Variants in FOXO1 observed in about 807,000 individuals in gnomAD.
FOXO1 encodes forkhead box protein O1.
In FOXO1, 6 loss-of-function variants were observed where a neutral mutation model predicts 44.1. The observed-to-expected ratio is 0.14, with a 90% CI of 0.07 to 0.27. The LOEUF (loss-of-function observed/expected upper bound fraction) is 0.27. Ranked by LOEUF, FOXO1 falls within the 10% of genes least tolerant of loss-of-function variation. The pLI, the probability that FOXO1 is intolerant of heterozygous loss-of-function variation, is 1.00. For missense variants in FOXO1, 737 were observed against 888.8 expected (o/e 0.83, Z 2.17); for synonymous variants, 380 against 362.7 (o/e 1.05, Z -0.54).
At chr13:40,570,336 A>T (rs556550492) in intron 1 of FOXO1, among the ~76,000 whole-genome samples, 304 of 152,062 alleles carry the variant, frequency 2.0e-3, no homozygotes, top group Non-Finnish European at 2.8e-3. Flanking sequence ...TAAAATAAAA[A>T]AAAGACCCCT....
At chr13:40,618,865 G>A (rs1331131109) in intron 1 of FOXO1, 12 of 527,246 alleles carry the variant, frequency 2.3e-5, no homozygotes, top group Admixed American at 1.8e-4. Flanking sequence ...CTGAGAACTC[G>A]ATGAAGATTA....
chr13:40,628,128 T>G (rs551824552), intron 1 of FOXO1, among the ~76,000 whole-genome samples: 4 of 152,094 alleles, frequency 2.6e-5, no homozygotes, highest in Non-Finnish European at 4.4e-5. Context: ...AACGGGTACA[T>G]AAAAGTTTTT....
chr13:40,601,420 G>A (rs771789356), intron 1 of FOXO1, among the ~76,000 whole-genome samples: 29 of 152,212 alleles, frequency 1.9e-4, no homozygotes, highest in East Asian at 3.9e-4. Context: ...AAAAGATAAC[G>A]CATAGAAAAC....
intron 1 of FOXO1, among the ~76,000 whole-genome samples, chr13:40,616,350 A>C (rs902161248): frequency 6.6e-6 from 1 of 152,234 alleles, no homozygotes. Flanking sequence ...TAAGTCAGAG[A>C]GCGCTGCAAA....
At chr13:40,590,040 G>A (rs1440281086) in intron 1 of FOXO1, among the ~76,000 whole-genome samples, 1 of 152,130 alleles carries the variant, frequency 6.6e-6, no homozygotes, top group Non-Finnish European at 1.5e-5. Context: ...TTGTACGATG[G>A]GAGCCTCTCT....
intron 1 of FOXO1, among the ~76,000 whole-genome samples, chr13:40,638,766 T>C (rs1012320837): frequency 7.2e-5 from 11 of 151,812 alleles, no homozygotes; most frequent in Non-Finnish European, 1.6e-4. Context: ...TGGTGAGAAG[T>C]GGTCATCAGA....
At chr13:40,617,522 T>C (rs960357034) in intron 1 of FOXO1, among the ~76,000 whole-genome samples, 2 of 151,756 alleles carry the variant, frequency 1.3e-5, no homozygotes, top group Non-Finnish European at 2.9e-5. Context: ...AGAACCCACA[T>C]TCTTGTGACC....
At chr13:40,582,801 G>A (rs2755216) in intron 1 of FOXO1, among the ~76,000 whole-genome samples, 62,345 of 151,904 alleles carry the variant, frequency 0.41, 14,010 homozygotes, top group East Asian at 0.75. Flanking sequence ...ACCCCTCCCA[G>A]GTCATCCATG....
At chr13:40,573,255 A>G (rs529013803) in intron 1 of FOXO1, among the ~76,000 whole-genome samples, 1 of 152,288 alleles carries the variant, frequency 6.6e-6, no homozygotes, top group South Asian at 2.1e-4. Flanking sequence ...CTGGCACTCC[A>G]CCAGATGTGG....
At chr13:40,649,014 G>A (rs932777052) in intron 1 of FOXO1, among the ~76,000 whole-genome samples, 5 of 152,202 alleles carry the variant, frequency 3.3e-5, no homozygotes, top group Non-Finnish European at 7.3e-5. Context: ...AGAGTAACAA[G>A]ATAGCAACCT....
chr13:40,639,449 A>C (rs1877276345), intron 1 of FOXO1, among the ~76,000 whole-genome samples: 1 of 152,238 alleles, frequency 6.6e-6, no homozygotes, highest in South Asian at 2.1e-4. Context: ...CTAGTAACTA[A>C]GTTAGGAATT....
chr13:40,559,714 G>A lies in FOXO1; in HGVS notation c.1777C>T (p.Leu593Phe), dbSNP rs540866852. ...TCACTTGGGAGCTTCTCCTGGTGGAGAAGGCCCATTCTGCCATAGCCATTG... is the reference window on the plus strand; with the variant it reads ...TCACTTGGGAGCTTCTCCTGGTGGAAAAGGCCCATTCTGCCATAGCCATTG... ...SCNGYGRMGL[L>F]HQEKLPSDLD... The change falls in exon 2 of 3, where the codon CTC becomes TTC. Residue 593 changes from leucine to phenylalanine, a missense_variant. Leu to Phe is a conservative substitution (Grantham distance 22, BLOSUM62 0). Around this residue, in one of 7 missense-constraint regions of FOXO1, gnomAD observed 283 missense variants for 278.1 expected, o/e 1.02. Transcript: ENST00000379561. 6 of 1,614,126 alleles carry A rather than the reference G, an allele frequency of 3.7e-6. No individual in the cohort carries two copies. In the Admixed American group the frequency reaches 5.0e-5, roughly 13 times the overall value.
At chr13:40,664,605 G>A (rs1240419460) in intron 1 of FOXO1, among the ~76,000 whole-genome samples, 1 of 152,054 alleles carries the variant, frequency 6.6e-6, no homozygotes, top group Non-Finnish European at 1.5e-5. Flanking sequence ...TCAAGAATAG[G>A]GTGGCAAGGC....
chr13:40,633,159 G>A (rs1277961475), intron 1 of FOXO1, among the ~76,000 whole-genome samples: 1 of 152,206 alleles, frequency 6.6e-6, no homozygotes, highest in Admixed American at 6.5e-5. Context: ...TTCATGGTAG[G>A]AATGTAAAAT....
chr13:40,618,848 A>G (rs1321222653), intron 1 of FOXO1: 1 of 528,044 alleles, frequency 1.9e-6, no homozygotes, highest in Non-Finnish European at 3.8e-6. Flanking sequence ...CTCCACAGAG[A>G]AGAGGCCTGA....
At chr13:40,659,327 A>AAG (rs1555253740) in intron 1 of FOXO1, among the ~76,000 whole-genome samples, 1 of 151,130 alleles carries the variant, frequency 6.6e-6, no homozygotes, top group South Asian at 2.1e-4. Flanking sequence ...AAAAAAAAAA[A>AAG]AAAAGAAAAG....
At chr13:40,631,252 T>C (rs1876952790) in intron 1 of FOXO1, among the ~76,000 whole-genome samples, 1 of 152,162 alleles carries the variant, frequency 6.6e-6, no homozygotes, top group African/African-American at 2.4e-5. Flanking sequence ...AGCTTAAGTT[T>C]AGGGCCGCAT....
intron 1 of FOXO1, among the ~76,000 whole-genome samples, chr13:40,614,393 CAT>C (rs1876341105): frequency 6.6e-6 from 1 of 152,188 alleles, no homozygotes; most frequent in Non-Finnish European, 1.5e-5. Context: ...ACAATGGCAC[CAT>C]ATTTAATTCA....
In FOXO1 at chr13:40,560,869, C is replaced by T; in HGVS notation, c.631-9G>A. The T allele has an allele frequency of 6.3e-7, 1 of 1,588,314 alleles. No individual in the cohort carries two copies. The highest frequency in any genetic ancestry group is 1.8e-5 in the Admixed American group (1 of 55,382). ...TTATGACGAATTGAATTCTGTAAGG[C>T]AAAACATCTTATTAGAAGTACAATA... On this transcript the variant is annotated splice_polypyrimidine_tract_variant and intron_variant, in intron 1 of 2. Transcript: ENST00000379561. This position sits in a 1 kb window ranked among gnomAD's most constrained non-coding sequence, Gnocchi z 5.1.
Sources: gnomAD v4.1 joint callset for allele counts (sites outside exome capture counted in the v4.1 genomes callset) on GRCh38, gnomAD v4.1.1 for gene constraint, gnomAD v4.1.1 regional missense constraint, Gnocchi (gnomAD v3.1) non-coding constraint, MANE v1.5 for transcripts, NCBI Gene and HGNC (gene_info 2026-07-23, HGNC 2026-07-21) for gene names.